TAFA5: variants seen among roughly 807,000 people sequenced by gnomAD.
TAFA5 encodes chemokine-like protein TAFA-5.
Under a neutral mutation model 15.3 loss-of-function variants are expected in TAFA5, and 6 were observed. The observed-to-expected ratio is 0.39, with a 90% confidence interval of 0.21 to 0.77. The LOEUF is 0.77. Among genes scored for constraint, TAFA5 ranks in the 30% least tolerant of loss-of-function variants. The pLI is 0.41. For missense variants in TAFA5, 161 were observed against 193.1 expected (o/e 0.83, Z 0.98); for synonymous variants, 103 against 80.7 (o/e 1.28, Z -1.48).
At chr22:48,710,428 T>TA (rs1243179348) in intron 3 of TAFA5, among the ~76,000 whole-genome samples, 2 of 152,168 alleles carry the variant, frequency 1.3e-5, no homozygotes, top group Non-Finnish European at 2.9e-5. Context: ...TCCTCCCCTG[T>TA]AGTTCTTCAG....
intron 3 of TAFA5, among the ~76,000 whole-genome samples, chr22:48,724,099 A>G: frequency 6.6e-6 from 1 of 152,170 alleles, no homozygotes; most frequent in East Asian, 1.9e-4. Context: ...GCAGCAGGAG[A>G]GACTCAGGGT....
chr22:48,539,723 TG>T (rs892413096), intron 1 of TAFA5, among the ~76,000 whole-genome samples: 2 of 152,150 alleles, frequency 1.3e-5, no homozygotes, highest in Admixed American at 1.3e-4. Context: ...TTCCAGGGCC[TG>T]TCAGAGAATT....
intron 1 of TAFA5, among the ~76,000 whole-genome samples, chr22:48,572,073 C>T (rs982172733): frequency 1.3e-5 from 2 of 152,116 alleles, no homozygotes; most frequent in Non-Finnish European, 2.9e-5. Flanking sequence ...GAGAATGATA[C>T]TATTTAGAAT....
intron 2 of TAFA5, among the ~76,000 whole-genome samples, chr22:48,652,194 A>G (rs188898278): frequency 2.0e-3 from 301 of 152,314 alleles, no homozygotes; most frequent in African/African-American, 7.0e-3. Context: ...GGAATTTTCC[A>G]CCAGGAGCGA....
intron 1 of TAFA5, among the ~76,000 whole-genome samples, chr22:48,609,569 C>T (rs1440677382): frequency 6.6e-6 from 1 of 152,228 alleles, no homozygotes; most frequent in East Asian, 1.9e-4. Context: ...CGCACAGCTC[C>T]TGAACCCAGG....
chr22:48,648,831 A>AC (rs35878910), intron 2 of TAFA5, among the ~76,000 whole-genome samples: 67,939 of 151,782 alleles, frequency 0.45, 15,543 homozygotes, highest in South Asian at 0.57. Flanking sequence ...CTGTCTCAAA[A>AC]AAACAAACAA....
chr22:48,536,872 G>A (rs1922184063), intron 1 of TAFA5, among the ~76,000 whole-genome samples: 1 of 152,172 alleles, frequency 6.6e-6, no homozygotes, highest in Admixed American at 6.5e-5. Context: ...CCACAGACCC[G>A]AGGCAGCCCC....
At chr22:48,661,632 C>T (rs966672614) in intron 2 of TAFA5, among the ~76,000 whole-genome samples, 4 of 152,216 alleles carry the variant, frequency 2.6e-5, no homozygotes, top group African/African-American at 7.2e-5. Flanking sequence ...GAGGGGGCAG[C>T]GTATGGCAGT....
intron 2 of TAFA5, among the ~76,000 whole-genome samples, chr22:48,657,300 G>C (rs1479517490): frequency 2.0e-5 from 3 of 152,152 alleles, no homozygotes; most frequent in Non-Finnish European, 2.9e-5. Flanking sequence ...CGCATTCCTA[G>C]AAAGACACAA....
intron 1 of TAFA5, among the ~76,000 whole-genome samples, chr22:48,518,443 C>A (rs1921490705): frequency 1.3e-5 from 2 of 152,214 alleles, no homozygotes; most frequent in Non-Finnish European, 2.9e-5. Flanking sequence ...TCCACCTCCC[C>A]CTGTCCCACC....
intron 2 of TAFA5, among the ~76,000 whole-genome samples, chr22:48,659,937 T>C (rs988776366): frequency 1.3e-5 from 2 of 152,254 alleles, no homozygotes; most frequent in African/African-American, 4.8e-5. Flanking sequence ...AATTTTATTT[T>C]GATCTTGGAG....
intron 1 of TAFA5, among the ~76,000 whole-genome samples, chr22:48,625,390 C>T (rs543556105): frequency 2.6e-5 from 4 of 152,344 alleles, no homozygotes; most frequent in South Asian, 2.1e-4. Flanking sequence ...CGTTGCCTGT[C>T]GGTAAACTCC....
intron 1 of TAFA5, among the ~76,000 whole-genome samples, chr22:48,558,809 C>T (rs1428801760): frequency 6.6e-6 from 1 of 152,222 alleles, no homozygotes; most frequent in East Asian, 1.9e-4. Flanking sequence ...GGAGGATACC[C>T]TGGGTGCCCA....
At chr22:48,553,712 C>T (rs1922935844) in intron 1 of TAFA5, among the ~76,000 whole-genome samples, 1 of 152,208 alleles carries the variant, frequency 6.6e-6, no homozygotes, top group South Asian at 2.1e-4. Context: ...CCTCCCACGG[C>T]TCTCTCTCCG....
At chr22:48,702,735 C>G (rs991180319) in intron 2 of TAFA5, among the ~76,000 whole-genome samples, 2 of 152,260 alleles carry the variant, frequency 1.3e-5, no homozygotes, top group African/African-American at 4.8e-5. Flanking sequence ...ACATTGCGAC[C>G]AGAGGGGAGG....
At chr22:48,655,115 T>C (rs5771679) in intron 2 of TAFA5, among the ~76,000 whole-genome samples, 76,867 of 151,910 alleles carry the variant, frequency 0.51, 20,087 homozygotes, top group Non-Finnish European at 0.57. Context: ...ATGGTTGTCA[T>C]CCAGGATGCC....
chr22:48,575,233 C>T (rs980213885), intron 1 of TAFA5, among the ~76,000 whole-genome samples: 4 of 152,128 alleles, frequency 2.6e-5, no homozygotes, highest in Non-Finnish European at 5.9e-5. Context: ...TGCAGTGAGG[C>T]CCCTGCGCAC....
At chr22:48,656,872 T>C (rs1045416464) in intron 2 of TAFA5, among the ~76,000 whole-genome samples, 5 of 151,216 alleles carry the variant, frequency 3.3e-5, no homozygotes, top group Non-Finnish European at 7.4e-5. Flanking sequence ...TTCAAGCAGT[T>C]CTCTTGCCTC....
intron 1 of TAFA5, among the ~76,000 whole-genome samples, chr22:48,513,394 A>G (rs970143744): frequency 1.3e-5 from 2 of 152,190 alleles, no homozygotes; most frequent in Non-Finnish European, 2.9e-5. Flanking sequence ...GGCTCATCGC[A>G]TGTGCAGAGT....
Sources: allele counts gnomAD v4.1 joint callset (sites outside exome capture counted in the v4.1 genomes callset), GRCh38; gene constraint gnomAD v4.1.1; transcripts MANE v1.5; gene names NCBI Gene and HGNC (gene_info 2026-07-23, HGNC 2026-07-21).